Variants in ABCA13 observed in about 807,000 individuals in gnomAD.
ABCA13 encodes the protein ATP binding cassette subfamily A member 13.
ABCA13 carries 476 observed loss-of-function variants against 478.7 expected under a neutral mutation model. The ratio of observed to expected loss-of-function variants is 0.99; its 90% confidence interval spans 0.92 to 1.07. The LOEUF (loss-of-function observed/expected upper bound fraction) is 1.07, where lower values mean the gene tolerates loss of function less well. Ranked by LOEUF, ABCA13 falls within the 50% of genes least tolerant of loss-of-function variation. The probability of loss-of-function intolerance (pLI) is 0.00; values close to 1 mark genes in which losing one functional copy is unlikely to be tolerated. For missense variants in ABCA13, 6,060 were observed against 5,910.6 expected, an observed-to-expected ratio of 1.03 and a Z score of -0.83; for synonymous variants, 2,252 against 2,158.9, an observed-to-expected ratio of 1.04 and a Z score of -1.20.
At chr7:48,525,092 T>C (rs1471942955) in intron 54 of ABCA13, among the ~76,000 whole-genome samples, 1 of 152,174 alleles carries the variant, frequency 6.6e-6, no homozygotes, top group Non-Finnish European at 1.5e-5. Context: ...GTTATCTGAT[T>C]GGTATCTATA....
chr7:48,629,411 T>C (rs1793954058), intron 59 of ABCA13, among the ~76,000 whole-genome samples: 2 of 152,292 alleles, frequency 1.3e-5, no homozygotes, highest in Admixed American at 1.3e-4. Context: ...GAAGCTTTTC[T>C]TACTCTGAGT....
At chr7:48,298,744 A>G (rs1014357468) in intron 23 of ABCA13, among the ~76,000 whole-genome samples, 1 of 152,244 alleles carries the variant, frequency 6.6e-6, no homozygotes, top group Non-Finnish European at 1.5e-5. Context: ...GTTAGAACAA[A>G]GTTGGTGATT....
intron 58 of ABCA13, among the ~76,000 whole-genome samples, chr7:48,606,978 A>T (rs1177378699): frequency 6.6e-6 from 1 of 152,166 alleles, no homozygotes; most frequent in African/African-American, 2.4e-5. Flanking sequence ...CCCAGTTCGA[A>T]CTTCCTGAGG....
chr7:48,547,726 T>C (rs1168445457), intron 55 of ABCA13, among the ~76,000 whole-genome samples: 1 of 151,942 alleles, frequency 6.6e-6, no homozygotes, highest in Non-Finnish European at 1.5e-5. Flanking sequence ...TTCAGTACAG[T>C]ATTTACTAAA....
chr7:48,479,324 G>A (rs1231893945), intron 45 of ABCA13, among the ~76,000 whole-genome samples: 2 of 152,050 alleles, frequency 1.3e-5, no homozygotes, highest in East Asian at 1.9e-4. Flanking sequence ...TGCAACCTCC[G>A]CCTCCCAGGT....
At chr7:48,314,171 T>C (rs1298414281) in intron 25 of ABCA13, 61 bp from the exon 26 acceptor site, 3 of 1,524,242 alleles carry the variant, frequency 2.0e-6, no homozygotes, top group African/African-American at 1.4e-5. Context: ...CTTTCAGAAG[T>C]GTGTGAAGGA....
intron 35 of ABCA13, among the ~76,000 whole-genome samples, chr7:48,386,750 G>T (rs1018148612): frequency 2.0e-5 from 3 of 152,116 alleles, no homozygotes; most frequent in African/African-American, 7.2e-5. Flanking sequence ...ATGGATTAAA[G>T]ACTTAAATGT....
chr7:48,404,760 G>A (rs535923242), intron 39 of ABCA13: 1 of 152,304 alleles, frequency 6.6e-6, no homozygotes, highest in South Asian at 2.1e-4. Flanking sequence ...GAGTAGAAAA[G>A]GTACTCCAGT....
chr7:48,278,039 C>T, intron 17 of ABCA13, 55 bp from the exon 18 acceptor site: 1 of 598,148 alleles, frequency 1.7e-6, no homozygotes, highest in Non-Finnish European at 2.4e-6. Context: ...TTAATATTTC[C>T]ACTGTTAATG....
intron 59 of ABCA13, among the ~76,000 whole-genome samples, chr7:48,637,358 T>C (rs1268319676): frequency 8.6e-6 from 1 of 115,778 alleles, no homozygotes; most frequent in Non-Finnish European, 1.7e-5. Context: ...CTATGGGGTG[T>C]TTTCTTTATT....
chr7:48,176,273 T>C (rs1390852162), intron 1 of ABCA13, among the ~76,000 whole-genome samples: 1 of 152,174 alleles, frequency 6.6e-6, no homozygotes, highest in Non-Finnish European at 1.5e-5. Flanking sequence ...AGCTGGCCAA[T>C]TTTACTGAAG....
intron 19 of ABCA13, among the ~76,000 whole-genome samples, chr7:48,282,550 A>T (rs1020961650): frequency 6.6e-6 from 1 of 151,996 alleles, no homozygotes; most frequent in East Asian, 1.9e-4. Flanking sequence ...GAAAGAAAAA[A>T]GTGAGGGGTC....
chr7:48,360,271 G>A (rs1275904490), intron 31 of ABCA13, among the ~76,000 whole-genome samples: 1 of 145,800 alleles, frequency 6.9e-6, no homozygotes, highest in Non-Finnish European at 1.5e-5. Context: ...TCCCACCTAT[G>A]AGTGAGGACA....
At chr7:48,616,153 T>C (rs1792547789) in intron 59 of ABCA13, among the ~76,000 whole-genome samples, 1 of 152,204 alleles carries the variant, frequency 6.6e-6, no homozygotes, top group Admixed American at 6.5e-5. Context: ...AGGTTAGGAT[T>C]CTCAAGCAGA....
chr7:48,323,716 G>A (rs2128915062), intron 27 of ABCA13, among the ~76,000 whole-genome samples: 1 of 152,306 alleles, frequency 6.6e-6, no homozygotes, highest in South Asian at 2.1e-4. Context: ...TTCAGGCCCA[G>A]TGTATTATTT....
intron 49 of ABCA13, among the ~76,000 whole-genome samples, chr7:48,506,653 A>G (rs917280766): frequency 1.3e-5 from 2 of 152,230 alleles, no homozygotes; most frequent in African/African-American, 2.4e-5. Flanking sequence ...TTCTAAGGGA[A>G]TGATTTACCA....
In ABCA13 at chr7:48,412,471, T is replaced by C. The variant is rs574842613; in HGVS notation, c.12347T>C (p.Ile4116Thr). The change falls in exon 41 of 62, where the codon ATT becomes ACT. Residue 4116 changes from isoleucine to threonine, a missense_variant. Physicochemically the swap from Ile to Thr is moderately conservative, Grantham distance 89. This residue lies in a region of ABCA13 where 1,627 missense variants were observed against 1,571.0 expected (regional missense o/e 1.04). Coordinates refer to ENST00000435803, the MANE Select transcript of ABCA13 (RefSeq NM_152701.5). ...AGTGGAAGTGAGCTGACCTACACCA[T>C]TCCAAAGGACACAGACAAGGCCTGC... ...DSSGSELTYT[I>T]PKDTDKACLK... 20 of 1,613,446 alleles carry C rather than the reference T, an allele frequency of 1.2e-5. No homozygotes were observed. Among genetic ancestry groups the C allele is most frequent in the East Asian group, 2.2e-5 (1 of 44,802 alleles).
At chr7:48,560,385 G>A (rs924239317) in intron 55 of ABCA13, among the ~76,000 whole-genome samples, 1 of 152,182 alleles carries the variant, frequency 6.6e-6, no homozygotes, top group Admixed American at 6.5e-5. Flanking sequence ...CCATACAGCT[G>A]CTGCAGGGGT....
At chr7:48,379,374 G>A (rs1383220805) in intron 35 of ABCA13, among the ~76,000 whole-genome samples, 1 of 152,084 alleles carries the variant, frequency 6.6e-6, no homozygotes. Flanking sequence ...TTCTTTTTAA[G>A]AGAAATATTT....
Sources: allele counts gnomAD v4.1 joint callset (sites outside exome capture counted in the v4.1 genomes callset), GRCh38; gene constraint gnomAD v4.1.1; regional missense constraint gnomAD v4.1.1; transcripts MANE v1.5; gene names NCBI Gene and HGNC (gene_info 2026-07-23, HGNC 2026-07-21).